UBE2G2: variants seen among roughly 807,000 people sequenced by gnomAD.
UBE2G2 encodes ubiquitin conjugating enzyme E2 G2, also known as ubiquitin-conjugating enzyme E2 G2.
In UBE2G2, 10 loss-of-function variants were observed where a neutral mutation model predicts 23.0. The observed-to-expected ratio is 0.43, with a 90% CI of 0.27 to 0.74. The LOEUF (loss-of-function observed/expected upper bound fraction) is 0.74. Ranked by LOEUF, UBE2G2 falls within the 30% of genes least tolerant of loss-of-function variation. UBE2G2 has a pLI of 0.19. For synonymous variants in UBE2G2, 86 were observed against 81.3 expected (o/e 1.06, Z -0.31); for missense variants, 150 against 218.3 (o/e 0.69, Z 1.97).
At chr21:44,779,820 TTA>T (rs1406976072) in intron 3 of UBE2G2, among the ~76,000 whole-genome samples, 1 of 152,214 alleles carries the variant, frequency 6.6e-6, no homozygotes, top group African/African-American at 2.4e-5. Flanking sequence ...ATGAAATGAC[TTA>T]GTCAAGGTCC....
At chr21:44,774,802 T>C (rs1250109527) in intron 4 of UBE2G2, 1 of 447,882 alleles carries the variant, frequency 2.2e-6, no homozygotes, top group East Asian at 7.2e-5. Context: ...TCTCCAGGAG[T>C]TGGTCCCATA....
At chr21:44,797,714 C>CAAAAAAAAAAAA (rs60369865) in intron 1 of UBE2G2, among the ~76,000 whole-genome samples, 13 of 39,320 alleles carry the variant, frequency 3.3e-4, no homozygotes, top group African/African-American at 1.5e-3. Flanking sequence ...AACTCCGTCT[C>CAAAAAAAAAAAA]AAAAAAAAAA....
chr21:44,784,561 A>G (rs1156544987), intron 3 of UBE2G2, among the ~76,000 whole-genome samples: 1 of 152,246 alleles, frequency 6.6e-6, no homozygotes, highest in Non-Finnish European at 1.5e-5. Flanking sequence ...TCAGCAAGGC[A>G]TAATACTGCC....
intron 1 of UBE2G2, among the ~76,000 whole-genome samples, chr21:44,793,600 T>C (rs1228237608): frequency 1.4e-5 from 2 of 144,244 alleles, no homozygotes; most frequent in Non-Finnish European, 3.0e-5. Context: ...TTCCAAAGCA[T>C]ATACACGCGT....
At chr21:44,780,802 T>G (rs1221324945) in intron 3 of UBE2G2, among the ~76,000 whole-genome samples, 2 of 152,222 alleles carry the variant, frequency 1.3e-5, no homozygotes, top group African/African-American at 2.4e-5. Flanking sequence ...TATATGCCAG[T>G]GAAAAGCGAA....
At chr21:44,777,101 T>C (rs966709085) in intron 4 of UBE2G2, 198 bp downstream of exon 4, 1 of 514,838 alleles carries the variant, frequency 1.9e-6, no homozygotes, top group Non-Finnish European at 3.4e-6. Flanking sequence ...TTGTCTTTTA[T>C]CTATATTAAA....
In UBE2G2 at chr21:44,773,612, G is replaced by A. The variant is rs782236641; in HGVS notation, c.320C>T (p.Ala107Val). 4 of 1,612,196 alleles carry A rather than the reference G, an allele frequency of 2.5e-6. No homozygotes were observed. The highest frequency in any genetic ancestry group is 1.7e-5 in the Admixed American group (1 of 60,010). Reference sequence around the variant, plus strand: ...ACTCTGCACAGGACTCCACCGCTCCGCGCTGCTCTCGTAGCCCATGGGGTC... The same window carrying A: ...ACTCTGCACAGGACTCCACCGCTCCACGCTGCTCTCGTAGCCCATGGGGTC... ...GDDPMGYESS[A>V]ERWSPVQSVE... The change falls in exon 5 of 6, where the codon GCG becomes GTG. Residue 107 changes from alanine (A) to valine (V), a missense_variant. Coordinates refer to ENST00000345496, the MANE Select transcript of UBE2G2 (RefSeq NM_003343.6).
At chr21:44,786,007 T>A (rs1555961932) in intron 3 of UBE2G2, among the ~76,000 whole-genome samples, 1 of 152,258 alleles carries the variant, frequency 6.6e-6, no homozygotes. Flanking sequence ...TGAACATTTT[T>A]TTAAAACCAC....
intron 1 of UBE2G2, among the ~76,000 whole-genome samples, chr21:44,797,740 A>AAAGAG (rs781868771): frequency 2.6e-5 from 3 of 114,302 alleles, no homozygotes; most frequent in Non-Finnish European, 5.8e-5. Context: ...AAAAAAAAAA[A>AAAGAG]AGAGAAAATA....
chr21:44,773,763 GATA>G, intron 4 of UBE2G2, 76 bp from the exon 5 acceptor site: 1 of 1,560,422 alleles, frequency 6.4e-7, no homozygotes, highest in South Asian at 1.2e-5. Context: ...AGGCTCCACA[GATA>G]ATGAGAACAA....
intron 1 of UBE2G2, among the ~76,000 whole-genome samples, chr21:44,798,031 G>GC (rs150922319): frequency 0.034 from 5,145 of 152,244 alleles, 126 homozygotes; most frequent in Middle Eastern, 0.054. Context: ...AGGGGCACAT[G>GC]CCTGTAGTCT....
intron 1 of UBE2G2, among the ~76,000 whole-genome samples, chr21:44,788,776 C>A (rs2083020588): frequency 6.7e-6 from 1 of 148,412 alleles, no homozygotes; most frequent in Admixed American, 6.7e-5. Flanking sequence ...CAGAGTGAGA[C>A]TGGGGAAATT....
intron 3 of UBE2G2, among the ~76,000 whole-genome samples, chr21:44,780,054 T>G (rs1555961122): frequency 2.0e-5 from 3 of 152,232 alleles, no homozygotes; most frequent in Non-Finnish European, 4.4e-5. Context: ...TTGATAACAG[T>G]TCTTTGTTTC....
At chr21:44,773,809 C>A in intron 4 of UBE2G2, 122 bp from the exon 5 acceptor site, 2 of 1,356,072 alleles carry the variant, frequency 1.5e-6, no homozygotes, top group South Asian at 2.9e-5. Flanking sequence ...GCTGTTTGCA[C>A]AGCTGGGGCA....
intron 3 of UBE2G2, among the ~76,000 whole-genome samples, chr21:44,783,954 A>G (rs1268422569): frequency 2.0e-5 from 3 of 152,230 alleles, no homozygotes; most frequent in African/African-American, 7.2e-5. Flanking sequence ...CAGGAGTTCG[A>G]GACCAGCCTG....
At chr21:44,775,819 A>T (rs2082908930) in intron 4 of UBE2G2, among the ~76,000 whole-genome samples, 1 of 152,156 alleles carries the variant, frequency 6.6e-6, no homozygotes. Flanking sequence ...GTATTTTTTA[A>T]CTTTTTATTA....
rs1555964939 is a variant in UBE2G2, at chr21:44,801,793, C to G, written c.-45G>C. On this transcript the variant is annotated 5_prime_UTR_variant, in exon 1 of 6. Transcript: ENST00000345496. ...CGAGCGACCTCGCCTCAGCCGCGCG[C>G]GTGCCTCCTGCCCCGACACCGGGGA... 6 of 1,501,990 alleles carry G rather than the reference C, an allele frequency of 4.0e-6. No individual in the cohort carries two copies. The highest frequency in any genetic ancestry group is 5.3e-6 in the Non-Finnish European group (6 of 1,129,646). 93.0% of individuals were successfully genotyped at this position (1,501,990 alleles called of 1,614,324 possible). A position where few individuals can be genotyped will look rare whatever the true frequency, so the allele number is the denominator to read the frequency against.
intron 3 of UBE2G2, among the ~76,000 whole-genome samples, chr21:44,778,054 C>G (rs896504805): frequency 6.6e-5 from 10 of 152,164 alleles, no homozygotes; most frequent in Non-Finnish European, 1.0e-4. Flanking sequence ...AATGTCAATG[C>G]TCTAAGATCT....
chr21:44,773,649 C>T lies in UBE2G2; in HGVS notation c.283G>A (p.Ala95Thr), dbSNP rs143150053. 7.4e-6 allele frequency: 12 copies of T among 1,612,692 alleles called. No individual in the cohort carries two copies. Among genetic ancestry groups the T allele is most frequent in the Admixed American group, 3.3e-5 (2 of 60,000 alleles). The change falls in exon 5 of 6, where the codon GCG becomes ACG. Residue 95 changes from alanine to threonine, a missense_variant. By Grantham distance (58) the Ala-to-Thr change is moderately conservative. Coordinates refer to ENST00000345496, the MANE Select transcript of UBE2G2 (RefSeq NM_003343.6). ...TAGCCCATGGGGTCATCGCCTGGCG[C>T]GTGGAGGATGGAAATGCAGACTCTC... The part of the protein sequence containing the change: ...DGRVCISILH[A>T]PGDDPMGYES...
Sources: gnomAD v4.1 joint callset for allele counts (sites outside exome capture counted in the v4.1 genomes callset) on GRCh38, gnomAD v4.1.1 for gene constraint, MANE v1.5 for transcripts, NCBI Gene and HGNC (gene_info 2026-07-23, HGNC 2026-07-21) for gene names.